SEMA6A: variants seen among roughly 807,000 people sequenced by gnomAD.
The protein encoded by SEMA6A is semaphorin-6A.
A neutral mutation model predicts 96.8 loss-of-function variants in SEMA6A; 25 were observed. The observed-to-expected ratio is 0.26, with a 90% confidence interval of 0.19 to 0.36. The LOEUF is 0.36. SEMA6A is among the 10% of genes least tolerant of loss of function. The pLI, the probability that SEMA6A is intolerant of heterozygous loss-of-function variation, is 1.00. For synonymous variants in SEMA6A, 612 were observed against 518.0 expected (o/e 1.18, Z -2.46); for missense variants, 1,363 against 1,323.1 (o/e 1.03, Z -0.47).
chr5:116,523,295 C>A (rs1759048005), intron 1 of SEMA6A, among the ~76,000 whole-genome samples: 1 of 152,012 alleles, frequency 6.6e-6, no homozygotes, highest in South Asian at 2.1e-4. Context: ...GGTTTAAGGT[C>A]TTACTGGGGT....
chr5:116,464,901 G>A (rs1057449510), intron 18 of SEMA6A, among the ~76,000 whole-genome samples: 5 of 152,122 alleles, frequency 3.3e-5, no homozygotes, highest in African/African-American at 1.2e-4. Flanking sequence ...TTTTACCAGT[G>A]GCCAAAATAA....
chr5:116,521,602 A>G (rs1003577702), intron 1 of SEMA6A, among the ~76,000 whole-genome samples: 1 of 152,164 alleles, frequency 6.6e-6, no homozygotes, highest in East Asian at 1.9e-4. Flanking sequence ...CTCTTCTTCA[A>G]TGGCCAGTTG....
intron 6 of SEMA6A, 116 bp downstream of exon 6, chr5:116,495,297 A>C (rs1757538370): frequency 1.4e-6 from 1 of 738,738 alleles, no homozygotes; most frequent in Admixed American, 2.2e-5. Flanking sequence ...AAGTTGAACA[A>C]GTGAGAGGAA....
intron 17 of SEMA6A, chr5:116,471,291 G>C (rs1436679958): frequency 6.6e-6 from 1 of 152,118 alleles, no homozygotes; most frequent in Non-Finnish European, 1.5e-5. Context: ...AAATAAGAGA[G>C]AACATAGCTT....
intron 1 of SEMA6A, chr5:116,536,204 C>A (rs899815140): frequency 6.6e-6 from 1 of 152,108 alleles, no homozygotes; most frequent in African/African-American, 2.4e-5. Flanking sequence ...CCATTCCCAC[C>A]CCCTGTTGGA....
chr5:116,477,731 C>G, intron 15 of SEMA6A, 115 bp downstream of exon 15: 2 of 1,014,630 alleles, frequency 2.0e-6, no homozygotes, highest in East Asian at 2.4e-5. Flanking sequence ...AGTCCCGTTG[C>G]TGGAGTTTGC....
At chr5:116,518,306 T>C (rs1037981878) in intron 1 of SEMA6A, among the ~76,000 whole-genome samples, 1 of 152,144 alleles carries the variant, frequency 6.6e-6, no homozygotes, top group African/African-American at 2.4e-5. Flanking sequence ...AAGTCTGAAA[T>C]AAAATGGAGG....
At chr5:116,486,995 T>C (rs751770572) in intron 9 of SEMA6A, 29 bp from the exon 10 acceptor site, 40 of 1,517,018 alleles carry the variant, frequency 2.6e-5, no homozygotes, top group Non-Finnish European at 3.1e-5. Flanking sequence ...TAGGGAAAAT[T>C]AAATGCATTC....
chr5:116,449,404 T>A (rs1197055867), intron 18 of SEMA6A: 1 of 701,554 alleles, frequency 1.4e-6, no homozygotes, highest in Non-Finnish European at 2.6e-6. Flanking sequence ...CAGGTATCAG[T>A]GGCACAGAAT....
chr5:116,534,989 G>A (rs1004238590), intron 1 of SEMA6A, among the ~76,000 whole-genome samples: 2 of 152,212 alleles, frequency 1.3e-5, no homozygotes, highest in Admixed American at 6.5e-5. Context: ...ACTCATCCTT[G>A]CATATACATA....
intron 18 of SEMA6A, among the ~76,000 whole-genome samples, chr5:116,462,904 C>G (rs1419776474): frequency 6.6e-6 from 1 of 152,072 alleles, no homozygotes. Context: ...TTTTATATCC[C>G]TCATAACTCC....
At chr5:116,486,588 C>T in intron 10 of SEMA6A, 161 bp downstream of exon 10, 1 of 616,692 alleles carries the variant, frequency 1.6e-6, no homozygotes, top group East Asian at 2.8e-5. Context: ...TTATAAACTA[C>T]TTTTAATTTG....
At chr5:116,477,757 G>T in intron 15 of SEMA6A, 89 bp downstream of exon 15, 1 of 1,272,592 alleles carries the variant, frequency 7.9e-7, no homozygotes, top group Non-Finnish European at 1.1e-6. Flanking sequence ...AAGCTGTGTG[G>T]TGGTGTGTGT....
chr5:116,497,695 A>G (rs1757667524), intron 3 of SEMA6A, among the ~76,000 whole-genome samples: 1 of 152,244 alleles, frequency 6.6e-6, no homozygotes, highest in Non-Finnish European at 1.5e-5. Context: ...TCTGAAAGTT[A>G]AATTGGCCCA....
chr5:116,548,645 A>G (rs1322856712), intron 1 of SEMA6A, among the ~76,000 whole-genome samples: 1 of 152,174 alleles, frequency 6.6e-6, no homozygotes, highest in Non-Finnish European at 1.5e-5. Flanking sequence ...CCCCTTTCCA[A>G]TGGGAAAATT....
At chr5:116,536,896 C>CAAAAAAAAAAAAAAAAAA (rs1344678482) in intron 1 of SEMA6A, among the ~76,000 whole-genome samples, 27 of 80,068 alleles carry the variant, frequency 3.4e-4, no homozygotes, top group African/African-American at 4.3e-4. Context: ...AAAAAAAAAG[C>CAAAAAAAAAAAAAAAAAA]AAAACTGGTG....
At chr5:116,484,375 A>T (rs1188255795) in intron 10 of SEMA6A, among the ~76,000 whole-genome samples, 3 of 151,874 alleles carry the variant, frequency 2.0e-5, no homozygotes, top group African/African-American at 7.3e-5. Context: ...CTTTCCTTTC[A>T]ATTTTCCTTC....
chr5:116,573,934 T>G lies in SEMA6A; in HGVS notation c.-39+251A>C, dbSNP rs756600669. ...GCGGCCCGGGGCGGCGCCGGGCGTG[T>G]GCGCAACGCGGGTGGGAAAGCTCTC... On this transcript the variant is annotated intron_variant, in intron 1 of 18. Coordinates refer to ENST00000343348, the MANE Select transcript of SEMA6A (RefSeq NM_020796.5). 5.6e-4 allele frequency among the ~76,000 whole-genome samples: 83 copies of G among 149,266 alleles called. 1 individual carries two copies. Among genetic ancestry groups the G allele is most frequent in the Admixed American group, 2.0e-3 (30 of 15,134 alleles).
At chr5:116,455,066 A>T (rs1428293042) in intron 18 of SEMA6A, among the ~76,000 whole-genome samples, 1 of 152,170 alleles carries the variant, frequency 6.6e-6, no homozygotes, top group African/African-American at 2.4e-5. Flanking sequence ...AAAGTGATGC[A>T]TTTTTGGTTG....
Sources: gnomAD v4.1 joint callset for allele counts (sites outside exome capture counted in the v4.1 genomes callset) on GRCh38, gnomAD v4.1.1 for gene constraint, MANE v1.5 for transcripts, NCBI Gene and HGNC (gene_info 2026-07-23, HGNC 2026-07-21) for gene names.